Variants in GPHN observed in about 807,000 individuals in gnomAD.
GPHN encodes the protein gephyrin.
Under a neutral mutation model 95.5 loss-of-function variants are expected in GPHN, and 17 were observed. The observed-to-expected ratio is 0.18, with a 90% CI of 0.12 to 0.27. GPHN has a LOEUF of 0.27. Ranked by LOEUF, GPHN falls within the 10% of genes least tolerant of loss-of-function variation. GPHN has a pLI of 1.00. For missense variants in GPHN, 660 were observed against 978.1 expected (o/e 0.67, Z 4.34); for synonymous variants, 320 against 322.5 (o/e 0.99, Z 0.08).
chr14:67,667,751 T>C, the GPHN span, among the ~76,000 whole-genome samples: 1 of 152,146 alleles, frequency 6.6e-6, no homozygotes, highest in Non-Finnish European at 1.5e-5. Context: ...GAGACCATCC[T>C]GGGTGACACA....
the GPHN span, among the ~76,000 whole-genome samples, chr14:67,664,410 C>T: frequency 6.6e-6 from 1 of 152,144 alleles, no homozygotes. Context: ...TGCTGTTGCA[C>T]GTATGGGGAT....
the GPHN span, among the ~76,000 whole-genome samples, chr14:67,563,938 G>C: frequency 3.5e-5 from 5 of 144,340 alleles, no homozygotes; most frequent in African/African-American, 1.3e-4. Flanking sequence ...GTCTTGCTCT[G>C]TTGCCCAGGC....
intron 9 of GPHN, among the ~76,000 whole-genome samples, chr14:66,977,297 G>C (rs955924625): frequency 1.4e-4 from 22 of 152,202 alleles, no homozygotes; most frequent in African/African-American, 5.1e-4. Flanking sequence ...TGGGCATGGT[G>C]GTGGGCGCCT....
intron 17 of GPHN, chr14:67,142,851 T>A (rs918843944): frequency 1.5e-5 from 3 of 198,804 alleles, no homozygotes; most frequent in African/African-American, 7.0e-5. Context: ...CCTTTGCTAG[T>A]ACAGATCCTC....
At chr14:66,933,598 A>G (rs916785872) in intron 8 of GPHN, among the ~76,000 whole-genome samples, 3 of 152,186 alleles carry the variant, frequency 2.0e-5, no homozygotes, top group Admixed American at 6.5e-5. Context: ...TTACCTCACC[A>G]CTTAATAATT....
rs1318112614 is a variant in GPHN, at chr14:66,746,586, G to A, written c.144-29878G>A. ...ATCCATAAATGGGCAGATCCAGGGT[G>A]AGTAAAAGTTCAAAACAACTTTATG... On this transcript the variant is annotated intron_variant, in intron 2 of 22. Transcript: ENST00000478722. Among the ~76,000 whole-genome samples, 969 of 152,206 alleles carry A rather than the reference G, an allele frequency of 6.4e-3. 12 individuals are homozygous for A. The highest frequency in any genetic ancestry group is 0.022 in the African/African-American group (922 of 41,524).
intron 4 of GPHN, among the ~76,000 whole-genome samples, chr14:66,841,792 G>A (rs1422765544): frequency 6.6e-6 from 1 of 152,088 alleles, no homozygotes; most frequent in African/African-American, 2.4e-5. Flanking sequence ...TGTAATCCCA[G>A]CACTTTGGGA....
intron 8 of GPHN, among the ~76,000 whole-genome samples, chr14:66,949,275 G>A (rs1452592611): frequency 6.6e-6 from 1 of 152,114 alleles, no homozygotes. Context: ...AGTAGAGACA[G>A]GGTCTCACCA....
At chr14:67,193,539 A>G in the GPHN span, among the ~76,000 whole-genome samples, 1 of 144,400 alleles carries the variant, frequency 6.9e-6, no homozygotes, top group Non-Finnish European at 1.5e-5. Context: ...ATCTATAGAA[A>G]TATATATCTA....
At chr14:67,077,173 C>T (rs916445705) in intron 11 of GPHN, among the ~76,000 whole-genome samples, 10 of 151,958 alleles carry the variant, frequency 6.6e-5, no homozygotes, top group Non-Finnish European at 1.2e-4. Flanking sequence ...TTTTTACTTA[C>T]AATTATGTAA....
At chr14:66,549,944 A>G (rs1158797879) in intron 1 of GPHN, among the ~76,000 whole-genome samples, 4 of 152,186 alleles carry the variant, frequency 2.6e-5, no homozygotes, top group Non-Finnish European at 5.9e-5. Flanking sequence ...ATTGATACCT[A>G]CTGCTCAGAA....
At chr14:66,654,444 A>G (rs2065207472) in intron 1 of GPHN, among the ~76,000 whole-genome samples, 1 of 152,022 alleles carries the variant, frequency 6.6e-6, no homozygotes, top group African/African-American at 2.4e-5. Context: ...TGTTGAATGT[A>G]TTTTCCATCT....
chr14:67,440,811 C>T, the GPHN span, among the ~76,000 whole-genome samples: 1 of 151,982 alleles, frequency 6.6e-6, no homozygotes, highest in Non-Finnish European at 1.5e-5. Flanking sequence ...ATTTCACCTC[C>T]AGCCTTGACA....
the GPHN span, among the ~76,000 whole-genome samples, chr14:67,548,175 G>T: frequency 3.3e-5 from 5 of 152,182 alleles, no homozygotes; most frequent in Non-Finnish European, 7.3e-5. Context: ...GTTCTGAGAG[G>T]CCACATAAAT....
the GPHN span, among the ~76,000 whole-genome samples, chr14:67,439,047 C>G: frequency 1.3e-5 from 2 of 152,034 alleles, no homozygotes; most frequent in Admixed American, 6.5e-5. Flanking sequence ...GGACCATGAG[C>G]CTTAGTCTAC....
At chr14:66,799,723 G>A (rs534112025) in intron 3 of GPHN, among the ~76,000 whole-genome samples, 9 of 151,806 alleles carry the variant, frequency 5.9e-5, no homozygotes, top group East Asian at 1.9e-4. Context: ...TGTTCTTCTC[G>A]TAGGCAACAG....
intron 5 of GPHN, among the ~76,000 whole-genome samples, chr14:66,903,134 T>C (rs1450065199): frequency 6.6e-6 from 1 of 152,098 alleles, no homozygotes; most frequent in Admixed American, 6.6e-5. Flanking sequence ...GGTGTATAGT[T>C]TAATTTGGAT....
the GPHN span, among the ~76,000 whole-genome samples, chr14:67,314,073 A>G: frequency 1.3e-5 from 2 of 152,092 alleles, no homozygotes; most frequent in African/African-American, 2.4e-5. Flanking sequence ...TTTATCTACA[A>G]CCTTTTTTAG....
intron 2 of GPHN, among the ~76,000 whole-genome samples, chr14:66,716,771 G>T (rs1484573683): frequency 6.6e-6 from 1 of 152,128 alleles, no homozygotes; most frequent in Non-Finnish European, 1.5e-5. Flanking sequence ...CTTCATGTAT[G>T]TTGCTTAGTT....
Sources: allele counts gnomAD v4.1 joint callset (sites outside exome capture counted in the v4.1 genomes callset), GRCh38; gene constraint gnomAD v4.1.1; transcripts MANE v1.5; gene names NCBI Gene and HGNC (gene_info 2026-07-23, HGNC 2026-07-21).